ARPP21: variants seen among roughly 807,000 people sequenced by gnomAD.
ARPP21 encodes cAMP regulated phosphoprotein 21.
A neutral mutation model predicts 113.2 loss-of-function variants in ARPP21; 69 were observed. That is an observed-to-expected ratio of 0.61 (90% confidence interval 0.50 to 0.74). The LOEUF (loss-of-function observed/expected upper bound fraction) is 0.74. Ranked by LOEUF, ARPP21 falls within the 30% of genes least tolerant of loss-of-function variation. The probability of loss-of-function intolerance (pLI) is 0.00; values close to 1 mark genes in which losing one functional copy is unlikely to be tolerated. For synonymous variants in ARPP21, 368 were observed against 375.5 expected, an observed-to-expected ratio of 0.98 and a Z score of 0.23; for missense variants, 1,070 against 1,037.4, an observed-to-expected ratio of 1.03 and a Z score of -0.43.
intron 19 of ARPP21, among the ~76,000 whole-genome samples, chr3:35,778,656 C>G (rs891907908): frequency 2.0e-5 from 3 of 152,100 alleles, no homozygotes; most frequent in African/African-American, 7.2e-5. Flanking sequence ...CAGTGGAATT[C>G]CATTGCTTGA....
intron 7 of ARPP21, 26 bp downstream of exon 7, chr3:35,689,411 T>C: frequency 2.8e-6 from 3 of 1,083,070 alleles, no homozygotes; most frequent in Non-Finnish European, 4.3e-6. Context: ...AGCCTCTTAT[T>C]TTTAGAAGGA....
At chr3:35,776,049 AT>A in intron 19 of ARPP21, among the ~76,000 whole-genome samples, 1 of 152,326 alleles carries the variant, frequency 6.6e-6, no homozygotes, top group African/African-American at 2.4e-5. Flanking sequence ...AAAGCCCAAC[AT>A]TTCAAAATAT....
At chr3:35,757,386 A>T (rs554361460) in intron 19 of ARPP21, among the ~76,000 whole-genome samples, 1 of 152,178 alleles carries the variant, frequency 6.6e-6, no homozygotes, top group Admixed American at 6.5e-5. Flanking sequence ...CTTGATGAAT[A>T]ATTCAATTTT....
intron 2 of ARPP21, chr3:35,681,463 T>C (rs2078905994): frequency 3.5e-6 from 1 of 287,942 alleles, no homozygotes. Context: ...TATGTGTCTC[T>C]AAGATTTGTC....
At chr3:35,690,369 G>A (rs548630704) in intron 8 of ARPP21, among the ~76,000 whole-genome samples, 2 of 151,576 alleles carry the variant, frequency 1.3e-5, no homozygotes, top group Admixed American at 6.6e-5. Context: ...GCTATAAACA[G>A]TGGGCCACTG....
chr3:35,747,899 G>A (rs993913821), intron 19 of ARPP21, among the ~76,000 whole-genome samples: 7 of 150,040 alleles, frequency 4.7e-5, no homozygotes, highest in African/African-American at 9.9e-5. Context: ...GTGACAGAGC[G>A]AGGCCCTGTG....
intron 11 of ARPP21, among the ~76,000 whole-genome samples, chr3:35,711,220 T>A (rs2091022261): frequency 6.6e-6 from 1 of 152,074 alleles, no homozygotes; most frequent in African/African-American, 2.4e-5. Flanking sequence ...TAGGGCAGCG[T>A]TTTAAATTGG....
chr3:35,651,072 A>C (rs1702181928), intron 1 of ARPP21, among the ~76,000 whole-genome samples: 1 of 152,188 alleles, frequency 6.6e-6, no homozygotes, highest in Non-Finnish European at 1.5e-5. Context: ...GTTAATCCTT[A>C]ATAAATTAAA....
chr3:35,761,289 A>G (rs1458888787), intron 19 of ARPP21, among the ~76,000 whole-genome samples: 4 of 152,116 alleles, frequency 2.6e-5, no homozygotes, highest in African/African-American at 9.7e-5. Context: ...GATTAAAACT[A>G]TAAGGTGGGT....
intron 1 of ARPP21, among the ~76,000 whole-genome samples, chr3:35,657,912 C>T (rs965390935): frequency 1.3e-5 from 2 of 152,044 alleles, no homozygotes; most frequent in Non-Finnish European, 2.9e-5. Flanking sequence ...GTAACAGGGG[C>T]TTCTATAGTT....
At chr3:35,647,234 G>T (rs1700587211) in intron 1 of ARPP21, among the ~76,000 whole-genome samples, 1 of 152,174 alleles carries the variant, frequency 6.6e-6, no homozygotes, top group South Asian at 2.1e-4. Context: ...TAATGTGATA[G>T]AATGTGTATA....
intron 19 of ARPP21, chr3:35,781,597 A>G (rs1395480357): frequency 6.6e-6 from 1 of 152,158 alleles, no homozygotes; most frequent in Non-Finnish European, 1.5e-5. Context: ...TTTAAATAAC[A>G]GTTCCTCATA....
chr3:35,682,804 GTTTGTTTTATTTTAT>G (rs2079344097), intron 3 of ARPP21, 29 bp from the exon 4 acceptor site: 1 of 1,565,118 alleles, frequency 6.4e-7, no homozygotes, highest in African/African-American at 1.4e-5. Flanking sequence ...GTTCGTTTTT[GTTTGTTTTATTTTAT>G]TTTGTTTTAT....
At chr3:35,772,651 C>A (rs1289538443) in intron 19 of ARPP21, among the ~76,000 whole-genome samples, 1 of 152,178 alleles carries the variant, frequency 6.6e-6, no homozygotes, top group Non-Finnish European at 1.5e-5. Context: ...TTTTCAATCC[C>A]AACATGTTTT....
intron 19 of ARPP21, among the ~76,000 whole-genome samples, chr3:35,763,849 G>A (rs996315381): frequency 2.0e-5 from 3 of 152,126 alleles, no homozygotes; most frequent in African/African-American, 4.8e-5. Context: ...AAAATTTGGC[G>A]ATGATTACTT....
intron 7 of ARPP21, among the ~76,000 whole-genome samples, chr3:35,689,847 A>G (rs1299140933): frequency 1.3e-5 from 2 of 151,612 alleles, no homozygotes; most frequent in African/African-American, 4.8e-5. Flanking sequence ...TACAAAATTT[A>G]GATATTTCAA....
At chr3:35,654,069 AG>A (rs1218875923) in intron 1 of ARPP21, among the ~76,000 whole-genome samples, 1 of 152,036 alleles carries the variant, frequency 6.6e-6, no homozygotes, top group Non-Finnish European at 1.5e-5. Context: ...TGAAGCAGTG[AG>A]GTTTCTTTAG....
At chr3:35,743,739 C>A in intron 18 of ARPP21, 100 bp from the exon 19 acceptor site, 1 of 1,346,902 alleles carries the variant, frequency 7.4e-7, no homozygotes, top group African/African-American at 1.4e-5. Context: ...TGGCCATCTT[C>A]ACAACCTACC....
At chr3:35,639,455 G>A (rs1027839995), upstream of ARPP21, 3 of 152,158 alleles carry the variant, frequency 2.0e-5, no homozygotes, top group Non-Finnish European at 4.4e-5. The surrounding 1 kb of genome is among the most constrained non-coding windows in gnomAD (Gnocchi z 5.0). Context: ...CCGGAGCTGC[G>A]GGGAGGAGCC....
Sources: gnomAD v4.1 joint callset for allele counts (sites outside exome capture counted in the v4.1 genomes callset) on GRCh38, gnomAD v4.1.1 for gene constraint, Gnocchi (gnomAD v3.1) non-coding constraint, MANE v1.5 for transcripts, NCBI Gene and HGNC (gene_info 2026-07-23, HGNC 2026-07-21) for gene names.